Variants in ASIC2 observed in about 807,000 individuals in gnomAD.
ASIC2 encodes the protein acid-sensing ion channel 2.
A neutral mutation model predicts 57.3 loss-of-function variants in ASIC2; 25 were observed. The observed-to-expected ratio is 0.44, with a 90% CI of 0.32 to 0.61. ASIC2 has a LOEUF of 0.61. Among genes scored for constraint, ASIC2 ranks in the 20% least tolerant of loss-of-function variants. ASIC2 has a pLI of 0.06. For synonymous variants in ASIC2, 319 were observed against 307.5 expected (o/e 1.04, Z -0.39); for missense variants, 641 against 738.1 (o/e 0.87, Z 1.52).
intron 1 of ASIC2, among the ~76,000 whole-genome samples, chr17:33,449,584 G>T (rs528242879): frequency 3.3e-5 from 5 of 152,148 alleles, no homozygotes; most frequent in Admixed American, 6.5e-5. Context: ...GAAATATAGT[G>T]CTCCATGTGA....
At chr17:33,307,298 CTTCTTCTTT>C (rs1346628313) in intron 1 of ASIC2, among the ~76,000 whole-genome samples, 2 of 150,880 alleles carry the variant, frequency 1.3e-5, no homozygotes, top group East Asian at 1.9e-4. Context: ...TCTTCTTCTT[CTTCTTCTTT>C]TTCTTCTTCG....
At chr17:33,641,354 G>A (rs984661919) in intron 1 of ASIC2, among the ~76,000 whole-genome samples, 3 of 152,156 alleles carry the variant, frequency 2.0e-5, no homozygotes, top group African/African-American at 7.2e-5. Context: ...CACAGCACAC[G>A]CTCAGCATAT....
chr17:33,978,639 T>C (rs1415105724), intron 1 of ASIC2, among the ~76,000 whole-genome samples: 1 of 152,118 alleles, frequency 6.6e-6, no homozygotes, highest in Non-Finnish European at 1.5e-5. Context: ...ACACCACCTG[T>C]GTCAAATTCC....
intron 1 of ASIC2, among the ~76,000 whole-genome samples, chr17:33,609,973 G>C (rs929806305): frequency 6.6e-6 from 1 of 151,628 alleles, no homozygotes; most frequent in African/African-American, 2.4e-5. Context: ...CCTGGGAGTC[G>C]GCTTGATTGC....
intron 1 of ASIC2, among the ~76,000 whole-genome samples, chr17:33,129,136 T>C (rs1257384510): frequency 6.6e-6 from 1 of 152,218 alleles, no homozygotes; most frequent in Non-Finnish European, 1.5e-5. Context: ...CTATGTAAAG[T>C]GAGTACACCT....
At chr17:33,786,032 T>C (rs1911590872) in intron 1 of ASIC2, among the ~76,000 whole-genome samples, 1 of 152,182 alleles carries the variant, frequency 6.6e-6, no homozygotes, top group Non-Finnish European at 1.5e-5. Context: ...CAGGGAGAGT[T>C]TAAGGAGCTT....
At chr17:33,526,882 T>C (rs945225087) in intron 1 of ASIC2, among the ~76,000 whole-genome samples, 1 of 152,196 alleles carries the variant, frequency 6.6e-6, no homozygotes, top group Admixed American at 6.5e-5. Flanking sequence ...TTCCTCATGG[T>C]CGAATGCATC....
intron 1 of ASIC2, among the ~76,000 whole-genome samples, chr17:33,218,820 C>T (rs1907594520): frequency 6.6e-6 from 1 of 152,146 alleles, no homozygotes; most frequent in African/African-American, 2.4e-5. Flanking sequence ...TCCTTCCACT[C>T]TCCTCTCCTT....
Position 33,875,169 on chromosome 17 carries a change from C to T in ASIC2, c.555+280809G>A, listed in dbSNP as rs1002266721. On this transcript the variant is annotated intron_variant, in intron 1 of 9. Coordinates refer to the ASIC2 transcript ENST00000359872. ...TTCCCATGGAGTGGAAAAAAGTGGG[C>T]TCAATCACTTAACAGTACCAGTCCA... Among the ~76,000 whole-genome samples, 4 of 152,304 alleles carry T rather than the reference C, an allele frequency of 2.6e-5. No individual in the cohort carries two copies. The South Asian group carries it at 8.3e-4, about 32-fold the overall frequency.
At chr17:33,438,048 C>A (rs771500829) in intron 1 of ASIC2, among the ~76,000 whole-genome samples, 3 of 152,066 alleles carry the variant, frequency 2.0e-5, no homozygotes, top group Non-Finnish European at 4.4e-5. Flanking sequence ...TATTTCTAAC[C>A]AGAAGCCCTC....
At chr17:33,302,021 T>C (rs1022733782) in intron 1 of ASIC2, among the ~76,000 whole-genome samples, 4 of 152,256 alleles carry the variant, frequency 2.6e-5, no homozygotes, top group African/African-American at 7.2e-5. Context: ...TTGGTGTTCC[T>C]GAAGGTGTCT....
intron 1 of ASIC2, among the ~76,000 whole-genome samples, chr17:33,586,283 T>C (rs1332380577): frequency 1.3e-5 from 2 of 152,206 alleles, no homozygotes; most frequent in Admixed American, 1.3e-4. Flanking sequence ...ATATTCTCAG[T>C]CTGAGTTTAC....
chr17:33,521,897 G>C (rs997665806), intron 1 of ASIC2, among the ~76,000 whole-genome samples: 1 of 152,184 alleles, frequency 6.6e-6, no homozygotes, highest in Non-Finnish European at 1.5e-5. Flanking sequence ...TGGCAGGCAG[G>C]CCCCTTCCCC....
intron 1 of ASIC2, among the ~76,000 whole-genome samples, chr17:33,854,629 T>C (rs1480520769): frequency 5.3e-5 from 8 of 152,158 alleles, no homozygotes; most frequent in Admixed American, 4.6e-4. Flanking sequence ...AGGAGCAAGA[T>C]CTGCAGAAAG....
chr17:33,912,681 T>A (rs1161912387), intron 1 of ASIC2, among the ~76,000 whole-genome samples: 3 of 151,832 alleles, frequency 2.0e-5, no homozygotes, highest in African/African-American at 2.4e-5. Flanking sequence ...AATAGCATTT[T>A]AAAAATTATA....
At chr17:34,038,988 T>C in intron 1 of ASIC2, 1 of 1,614,200 alleles carries the variant, frequency 6.2e-7, no homozygotes, top group Non-Finnish European at 8.5e-7. Flanking sequence ...AGTAGCCCAG[T>C]CTCAAGCGGT....
rs1284055236 is a variant in ASIC2 at position 34,148,520 on chromosome 17, T to C, written c.555+7458A>G. Among the ~76,000 whole-genome samples the C allele has an allele frequency of 2.6e-5, 4 of 152,294 alleles. No individual in the cohort carries two copies. In the East Asian group the frequency reaches 5.8e-4, roughly 22 times the overall value. ...TGAAAAATCATCTATTTTGCATTAG[T>C]TACAATTTAGGCCATTTTGACATAG... On this transcript the variant is annotated intron_variant, in intron 1 of 9. Transcript: ENST00000359872.
At chr17:34,155,238 A>G (rs541168024) in intron 1 of ASIC2, among the ~76,000 whole-genome samples, 1 of 152,020 alleles carries the variant, frequency 6.6e-6, no homozygotes, top group Non-Finnish European at 1.5e-5. Context: ...TCACCCTCAC[A>G]GGCATCTCCC....
intron 1 of ASIC2, chr17:34,003,631 T>C (rs149449967): frequency 6.6e-6 from 1 of 152,306 alleles, no homozygotes; most frequent in Non-Finnish European, 1.5e-5. Context: ...TTTTCTTTTG[T>C]ATATTTTTCA....
Sources: allele counts gnomAD v4.1 joint callset (sites outside exome capture counted in the v4.1 genomes callset), GRCh38; gene constraint gnomAD v4.1.1; transcripts MANE v1.5; gene names NCBI Gene and HGNC (gene_info 2026-07-23, HGNC 2026-07-21).